The following DNAH17 variants were observed in gnomAD, a reference collection of about 807,000 sequenced individuals.
The protein encoded by DNAH17 is dynein axonemal heavy chain 17.
In DNAH17, 376 loss-of-function variants were observed where a neutral mutation model predicts 485.6. The observed-to-expected ratio is 0.77, with a 90% CI of 0.71 to 0.84. The LOEUF is 0.84. Among genes scored for constraint, DNAH17 ranks in the 40% least tolerant of loss-of-function variants. DNAH17 has a pLI of 0.00. For synonymous variants in DNAH17, 3,031 were observed against 2,405.9 expected, an observed-to-expected ratio of 1.26 and a Z score of -7.60; for missense variants, 6,370 against 5,839.3, an observed-to-expected ratio of 1.09 and a Z score of -2.96.
intron 24 of DNAH17, among the ~76,000 whole-genome samples, chr17:78,525,503 T>G (rs1383423128): frequency 6.6e-6 from 1 of 152,260 alleles, no homozygotes; most frequent in African/African-American, 2.4e-5. Context: ...TAAAAATGAC[T>G]TAAGTAATGC....
chr17:78,572,970 G>A (rs1363561244), intron 2 of DNAH17, 76 bp from the exon 3 acceptor site: 10 of 1,397,036 alleles, frequency 7.2e-6, no homozygotes, highest in Non-Finnish European at 9.7e-6. Context: ...CAGGTCCCCG[G>A]GGGGTTCCAA....
intron 69 of DNAH17, among the ~76,000 whole-genome samples, chr17:78,448,117 G>C (rs1230412333): frequency 1.3e-5 from 2 of 151,652 alleles, no homozygotes; most frequent in African/African-American, 2.4e-5. Context: ...GGTTGTGGTG[G>C]GCTGAGATTG....
chr17:78,487,157 G>T (rs781526556), intron 44 of DNAH17, among the ~76,000 whole-genome samples: 15 of 152,150 alleles, frequency 9.9e-5, no homozygotes, highest in African/African-American at 2.9e-4. Flanking sequence ...GGCGGTGAGG[G>T]GTGTGGACTC....
At chr17:78,525,941 G>A (rs527749858) in intron 24 of DNAH17, among the ~76,000 whole-genome samples, 2 of 152,346 alleles carry the variant, frequency 1.3e-5, no homozygotes, top group South Asian at 2.1e-4. Context: ...GGACCCTGGG[G>A]TTCACATTTG....
chr17:78,538,661 G>A (rs1258867851), intron 18 of DNAH17, among the ~76,000 whole-genome samples: 1 of 152,190 alleles, frequency 6.6e-6, no homozygotes, highest in African/African-American at 2.4e-5. Flanking sequence ...ACTCTTTGAG[G>A]AGAACCCTTT....
At chr17:78,549,871 T>C (rs925130755) in intron 16 of DNAH17, among the ~76,000 whole-genome samples, 3 of 152,168 alleles carry the variant, frequency 2.0e-5, no homozygotes, top group Non-Finnish European at 4.4e-5. Flanking sequence ...CTGCTGAAGA[T>C]TCAGAAGCCC....
At chr17:78,475,071 A>T (rs982912008) in intron 54 of DNAH17, among the ~76,000 whole-genome samples, 1 of 151,612 alleles carries the variant, frequency 6.6e-6, no homozygotes, top group African/African-American at 2.4e-5. Context: ...AAGGTTTCAC[A>T]CTCTTCACCT....
At chr17:78,557,590 G>A (rs903362332) in intron 14 of DNAH17, among the ~76,000 whole-genome samples, 1 of 125,568 alleles carries the variant, frequency 8.0e-6, no homozygotes, top group African/African-American at 3.0e-5. Flanking sequence ...AGTGAGCCTA[G>A]ATTGTGCCAC....
At chr17:78,438,992 A>G (rs902760460) in intron 73 of DNAH17, 98 bp downstream of exon 73, 43 of 1,480,224 alleles carry the variant, frequency 2.9e-5, no homozygotes, top group Non-Finnish European at 3.9e-5. Flanking sequence ...TTCTGAATGC[A>G]AACTCCACAT....
chr17:78,557,373 T>G (rs1001799769), intron 14 of DNAH17, among the ~76,000 whole-genome samples: 1 of 152,012 alleles, frequency 6.6e-6, no homozygotes, highest in Non-Finnish European at 1.5e-5. Context: ...ATCCCAACAC[T>G]TTGGGAGGCA....
chr17:78,559,588 A>G (rs139873553), intron 13 of DNAH17, among the ~76,000 whole-genome samples: 1 of 152,102 alleles, frequency 6.6e-6, no homozygotes, highest in South Asian at 2.1e-4. Flanking sequence ...CAGGCTCCCA[A>G]CTGATTTTCC....
Position 78,485,027 on chromosome 17 carries a change from A to G in DNAH17, c.7490T>C (p.Leu2497Pro), listed in dbSNP as rs1360431911. 2 of 1,608,754 alleles carry G rather than the reference A, an allele frequency of 1.2e-6. No individual in the cohort carries two copies. Among genetic ancestry groups the G allele is most frequent in the Non-Finnish European group, 1.7e-6 (2 of 1,177,328 alleles). ...YTTSAMLQGV[L>P]EKPLEKKSGR... ...CGATTTCTTCTCCAGCGGCTTCTCC[A>G]GCACCCCTAGAGAGGGCAGAGGGTC... is the stretch of plus-strand genomic sequence containing the variant. Residue 2497 changes from leucine to proline, a missense_variant, in exon 48 of 81, where the codon CTG (leucine) becomes CCG (proline). By Grantham distance (98) the Leu-to-Pro change is moderately conservative. Transcript: ENST00000389840.
chr17:78,504,726 C>T (rs964933238), intron 31 of DNAH17, among the ~76,000 whole-genome samples: 1 of 152,040 alleles, frequency 6.6e-6, no homozygotes, highest in Non-Finnish European at 1.5e-5. Context: ...AGCCGGGGGA[C>T]GCGCTTGCTG....
chr17:78,574,930 A>G lies in DNAH17; in HGVS notation c.128T>C (p.Phe43Ser). 2 of 1,614,008 alleles carry G rather than the reference A, an allele frequency of 1.2e-6. No homozygotes were observed. The highest frequency in any genetic ancestry group is 1.7e-6 in the Non-Finnish European group (2 of 1,179,890). The change falls in exon 2 of 81, where the codon TTC (phenylalanine) becomes TCC (serine). Residue 43 changes from phenylalanine to serine, a missense_variant. Transcript: ENST00000389840. ...AEENVALFTEFFEKPDVQVLV... is the reference protein window; with the variant it reads ...AEENVALFTESFEKPDVQVLV... ...CACCTGGACGTCGGGCTTTTCAAAG[A>G]ACTCTGTGAACAGGGCCACGTTCTC...
At chr17:78,431,519 CTG>C (rs973688639) in intron 75 of DNAH17, among the ~76,000 whole-genome samples, 2 of 151,050 alleles carry the variant, frequency 1.3e-5, no homozygotes, top group Admixed American at 1.3e-4. Flanking sequence ...GCAGGTTGCT[CTG>C]TGTTTCAAAG....
chr17:78,492,420 G>A (rs774616909), intron 42 of DNAH17, among the ~76,000 whole-genome samples: 4 of 152,130 alleles, frequency 2.6e-5, no homozygotes, highest in Non-Finnish European at 5.9e-5. Flanking sequence ...CCCAGCTCCT[G>A]TGGCCCCCAT....
At chr17:78,544,574 A>G (rs1358439327) in intron 16 of DNAH17, among the ~76,000 whole-genome samples, 2 of 152,090 alleles carry the variant, frequency 1.3e-5, no homozygotes, top group Non-Finnish European at 2.9e-5. Context: ...AGGCTGAGGC[A>G]GGCGGATCAC....
At position 78,571,007 on chromosome 17, in the gene DNAH17, G is replaced by A. The variant is rs1441003856; in HGVS notation, c.859C>T (p.Leu287Phe). 1.9e-6 allele frequency: 3 copies of A among 1,578,218 alleles called. No homozygotes were observed. The highest frequency in any genetic ancestry group is 2.6e-6 in the Non-Finnish European group (3 of 1,161,940). ...AGGATCCGTAGGGGCTTCAAATAGA[G>A]CACGATGTCGTTGGCTTCCTTCAGC... ...EGLKEANDIV[L>F]YLKPLRILLE... The change falls in exon 6 of 81, where the codon CTC (leucine) becomes TTC (phenylalanine). Residue 287 changes from leucine (L) to phenylalanine (F), a missense_variant. Leu to Phe is a conservative substitution (Grantham distance 22, BLOSUM62 0). Transcript: ENST00000389840.
Position 78,455,737 on chromosome 17 carries a change from G to A in DNAH17, c.10077C>T (p.Ile3359=). The change falls in exon 63 of 81, where the codon ATC becomes ATT. Residue 3359 remains isoleucine, a synonymous_variant. Coordinates refer to ENST00000389840, the MANE Select transcript of DNAH17 (RefSeq NM_173628.4). ...AGCCCACGTAGGACACGAAGGCAGAGATGAGCAGGACGTCCCCACACAGCG... is the reference window on the plus strand; with the variant it reads ...AGCCCACGTAGGACACGAAGGCAGAAATGAGCAGGACGTCCCCACACAGCG... ...GVTLCGDVLL[I]SAFVSYVGYF... is the part of the protein sequence containing the mutation. The A allele has an allele frequency of 1.2e-6, 2 of 1,612,536 alleles. No individual in the cohort carries two copies. Among genetic ancestry groups the A allele is most frequent in the Non-Finnish European group, 1.7e-6 (2 of 1,179,398 alleles).
Sources: gnomAD v4.1 joint callset for allele counts (sites outside exome capture counted in the v4.1 genomes callset) on GRCh38, gnomAD v4.1.1 for gene constraint, MANE v1.5 for transcripts, NCBI Gene and HGNC (gene_info 2026-07-23, HGNC 2026-07-21) for gene names.